Variants in OTUD5 observed in about 807,000 individuals in gnomAD.
OTUD5 encodes the protein OTU deubiquitinase 5, also known as OTU domain-containing protein 5.
OTUD5 carries 2 observed loss-of-function variants against 36.3 expected under a neutral mutation model. The ratio of observed to expected loss-of-function variants is 0.06; its 90% confidence interval spans 0.02 to 0.17. The LOEUF is 0.17. OTUD5 is among the 10% of genes least tolerant of loss of function. The pLI, the probability that OTUD5 is intolerant of heterozygous loss-of-function variation, is 1.00. For missense variants in OTUD5, 233 were observed against 512.3 expected, an observed-to-expected ratio of 0.45 and a Z score of 5.26; for synonymous variants, 234 against 214.9, an observed-to-expected ratio of 1.09 and a Z score of -0.78.
intron 5 of OTUD5, among the ~76,000 whole-genome samples, chrX:48,932,669 T>C (rs2063772906): frequency 9.0e-6 from 1 of 110,705 alleles, no homozygotes. Context: ...GGAAGCTGGG[T>C]GCAGTGGCTC....
Position 48,957,226 on chromosome X carries a change from G to A in OTUD5, c.345C>T (p.Asp115=). ...GPGGPGGGPG[D]ALGAAAAGVG... ...CACCCGCCGCCGCTGCGCCCAGCGC[G>A]TCGCCGGGACCGCCGCCGGGACCAC... The change falls in exon 1 of 9, where the codon GAC becomes GAT. Residue 115 remains aspartate (D), a synonymous_variant. Transcript: ENST00000376488. 9.1e-7 allele frequency: 1 copy of A among 1,093,969 alleles called. No individual in the cohort carries two copies. The highest frequency in any genetic ancestry group is 1.2e-6 in the Non-Finnish European group (1 of 847,844). The allele number at this position is 1,093,969 out of a possible 1,213,427, so 90.2% of individuals were successfully genotyped here.
At chrX:48,949,871 G>A (rs1457349409) in intron 1 of OTUD5, among the ~76,000 whole-genome samples, 2 of 108,612 alleles carry the variant, frequency 1.8e-5, no homozygotes, top group African/African-American at 3.4e-5. Context: ...AGAAAAGCCC[G>A]GGCACAGTGG....
intron 6 of OTUD5, 58 bp downstream of exon 6, chrX:48,925,789 G>C: frequency 9.9e-7 from 1 of 1,012,315 alleles, no homozygotes; most frequent in Non-Finnish European, 1.4e-6. Context: ...TCGCTTGAGG[G>C]CAAAGCATGA....
chrX:48,940,593 C>T (rs781894764), intron 2 of OTUD5: 1 of 112,237 alleles, frequency 8.9e-6, no homozygotes, highest in South Asian at 3.7e-4. Flanking sequence ...TAGAAACAAC[C>T]ATGTGGCCTT....
At chrX:48,950,348 G>A (rs972016491) in intron 1 of OTUD5, among the ~76,000 whole-genome samples, 11 of 109,376 alleles carry the variant, frequency 1.0e-4, no homozygotes, top group Admixed American at 2.0e-4. Context: ...TGAAGATGGA[G>A]GCAGAGATTA....
chrX:48,940,877 T>C (rs2063907671), intron 2 of OTUD5: 1 of 112,026 alleles, frequency 8.9e-6, no homozygotes, highest in Non-Finnish European at 1.9e-5. Flanking sequence ...ATTGCTTAAC[T>C]CAGGGGAACC....
chrX:48,948,358 CAAAAACAAAAA>C (rs1157290643), intron 1 of OTUD5, among the ~76,000 whole-genome samples: 7 of 110,938 alleles, frequency 6.3e-5, no homozygotes, highest in East Asian at 2.8e-4. Context: ...GTCTCAAAAA[CAAAAACAAAAA>C]CAAAACAAAA....
Position 48,957,191 on chromosome X carries a change from G to A in OTUD5, c.380C>T (p.Ala127Val), listed in dbSNP as rs1557055697. The change falls in exon 1 of 9, where the codon GCG becomes GTG. Residue 127 changes from alanine to valine, a missense_variant. Physicochemically the swap from Ala to Val is moderately conservative, Grantham distance 64. Coordinates refer to ENST00000376488, the MANE Select transcript of OTUD5 (RefSeq NM_001136157.2). Reference sequence around the variant, plus strand: ...ACCACCCACACCCACCACCACGCCCGCGGCACCCACACCCGCCGCCGCTGC... The same window carrying A: ...ACCACCCACACCCACCACCACGCCCACGGCACCCACACCCGCCGCCGCTGC... ...LGAAAAGVGAAGVVVGVGGAV... is the reference protein window; with the variant it reads ...LGAAAAGVGAVGVVVGVGGAV... The A allele has an allele frequency of 1.8e-6, 2 of 1,119,496 alleles. No homozygotes were observed. The highest frequency in any genetic ancestry group is 2.3e-6 in the Non-Finnish European group (2 of 858,736). The allele number at this position is 1,119,496 out of a possible 1,213,427, so 92.3% of individuals were successfully genotyped here.
chrX:48,955,080 G>A (rs1170589755), intron 1 of OTUD5, among the ~76,000 whole-genome samples: 2 of 111,814 alleles, frequency 1.8e-5, no homozygotes, highest in African/African-American at 6.5e-5. Flanking sequence ...CAGTCCCTAA[G>A]GCAAACGGTA....
At chrX:48,925,564 A>G (rs1347504340) in intron 6 of OTUD5, among the ~76,000 whole-genome samples, 2 of 111,880 alleles carry the variant, frequency 1.8e-5, no homozygotes, top group South Asian at 3.7e-4. Flanking sequence ...CCTGGCACAC[A>G]AGGGCAGTCA....
At chrX:48,950,183 T>A (rs1358616751) in intron 1 of OTUD5, among the ~76,000 whole-genome samples, 1 of 109,273 alleles carries the variant, frequency 9.2e-6, no homozygotes, top group Non-Finnish European at 1.9e-5. Flanking sequence ...TGTTTGCAGA[T>A]GTAATTAACT....
chrX:48,946,198 A>G (rs782166943), intron 1 of OTUD5, among the ~76,000 whole-genome samples: 1 of 112,509 alleles, frequency 8.9e-6, no homozygotes, highest in South Asian at 3.6e-4. Flanking sequence ...TTGGAACGCA[A>G]GAGCTCTGGG....
At chrX:48,954,957 C>T (rs2064210803) in intron 1 of OTUD5, among the ~76,000 whole-genome samples, 1 of 111,663 alleles carries the variant, frequency 9.0e-6, no homozygotes, top group Admixed American at 9.5e-5. Context: ...TGAAGAGCAT[C>T]CAGGTCCTTC....
intron 2 of OTUD5, among the ~76,000 whole-genome samples, chrX:48,942,560 C>T (rs1237632769): frequency 9.1e-6 from 1 of 110,306 alleles, no homozygotes; most frequent in Non-Finnish European, 1.9e-5. Context: ...CAAGATGCCC[C>T]GAAACCCAGC....
upstream of OTUD5, chrX:48,957,800 A>T: frequency 1.3e-6 from 1 of 772,983 alleles, no homozygotes; most frequent in Non-Finnish European, 1.5e-6. Context: ...GTAAAGTCCA[A>T]GATGAAGGCA....
At chrX:48,939,875 T>C (rs1358724771) in intron 2 of OTUD5, 2 of 112,635 alleles carry the variant, frequency 1.8e-5, no homozygotes, top group Non-Finnish European at 3.8e-5. Flanking sequence ...AACTGCCTAC[T>C]CCCCAGGTAG....
chrX:48,926,381 C>T (rs2063666694), intron 5 of OTUD5, among the ~76,000 whole-genome samples: 2 of 107,642 alleles, frequency 1.9e-5, no homozygotes, highest in Non-Finnish European at 3.8e-5. Context: ...GACGAAGTAT[C>T]GCTCTGTCGC....
upstream of OTUD5, chrX:48,957,726 G>A (rs782512981): frequency 1.4e-6 from 1 of 703,070 alleles, no homozygotes. Context: ...CGGCGGCGGA[G>A]GAGGCGGCGG....
chrX:48,922,971 T>C lies in OTUD5; in HGVS notation c.*203A>G. ...GTGGGGGGCAACAGGGCACATCAGC[T>C]GGCAGAGAGACAGGTGATAGTGGCA... On this transcript the variant is annotated 3_prime_UTR_variant, in exon 9 of 9. Transcript: ENST00000376488. 3 of 1,069,983 alleles carry C rather than the reference T, an allele frequency of 2.8e-6. No individual in the cohort carries two copies. Among genetic ancestry groups the C allele is most frequent in the Non-Finnish European group, 3.6e-6 (3 of 827,827 alleles). 88.2% of individuals were successfully genotyped at this position (1,069,983 alleles called of 1,213,427 possible). A position where few individuals can be genotyped will look rare whatever the true frequency, so the allele number is the denominator to read the frequency against.
Sources: allele counts gnomAD v4.1 joint callset (sites outside exome capture counted in the v4.1 genomes callset), GRCh38; gene constraint gnomAD v4.1.1; transcripts MANE v1.5; gene names NCBI Gene and HGNC (gene_info 2026-07-23, HGNC 2026-07-21).